The following TOX3 variants were observed in gnomAD, a reference collection of about 807,000 sequenced individuals.
TOX3 encodes the protein CAG trinucleotide repeat-containing gene F9 protein.
In TOX3, 22 loss-of-function variants were observed where a neutral mutation model predicts 64.3. That is an observed-to-expected ratio of 0.34 (90% CI 0.24 to 0.49). The LOEUF is 0.49. Among genes scored for constraint, TOX3 ranks in the 20% least tolerant of loss-of-function variants. TOX3 has a pLI of 0.99. For synonymous variants in TOX3, 291 were observed against 273.6 expected, an observed-to-expected ratio of 1.06 and a Z score of -0.63; for missense variants, 661 against 714.4, an observed-to-expected ratio of 0.93 and a Z score of 0.85.
chr16:52,461,953 A>C (rs1435869496), intron 3 of TOX3, among the ~76,000 whole-genome samples: 1 of 152,122 alleles, frequency 6.6e-6, no homozygotes, highest in African/African-American at 2.4e-5. Flanking sequence ...AAAGCCAACA[A>C]CACATTGTAT....
In TOX3 at chr16:52,437,550, A is replaced by G. The variant is rs1596762535; in HGVS notation, c.*1675T>C. 6.6e-6 allele frequency: 1 copy of G among 152,406 alleles called. No individual in the cohort carries two copies. Among genetic ancestry groups the G allele is most frequent in the Non-Finnish European group, 1.5e-5 (1 of 68,028 alleles). The allele number at this position is 152,406 out of a possible 1,614,324, so 9.4% of individuals were successfully genotyped here. A position where few individuals can be genotyped will look rare whatever the true frequency, so the allele number is the denominator to read the frequency against. ...CCTCTTCATTATAGCTTCTGACAGGACAGATGCTGTAATTAATCATGCAAG... is the reference window on the plus strand; with the variant it reads ...CCTCTTCATTATAGCTTCTGACAGGGCAGATGCTGTAATTAATCATGCAAG... On this transcript the variant is annotated 3_prime_UTR_variant, in exon 7 of 7. Coordinates refer to ENST00000219746, the MANE Select transcript of TOX3 (RefSeq NM_001080430.4).
At position 52,546,770 on chromosome 16, in the gene TOX3, G is replaced by C; in HGVS notation, c.-47C>G. ...GGGGGCCGGGACTGGGGTTCGCCGG[G>C]GCCGGGACCCGCCTCCTCGCCGCCG... On this transcript the variant is annotated 5_prime_UTR_variant, in exon 1 of 7. Coordinates refer to ENST00000219746, the MANE Select transcript of TOX3 (RefSeq NM_001080430.4). The C allele has an allele frequency of 5.5e-6, 8 of 1,447,304 alleles. No individual in the cohort carries two copies. The highest frequency in any genetic ancestry group is 7.3e-6 in the Non-Finnish European group (8 of 1,101,068). 89.7% of individuals were successfully genotyped at this position (1,447,304 alleles called of 1,614,324 possible). A position where few individuals can be genotyped will look rare whatever the true frequency, so the allele number is the denominator to read the frequency against.
intron 3 of TOX3, among the ~76,000 whole-genome samples, chr16:52,453,330 C>T (rs1207652036): frequency 3.9e-5 from 6 of 151,948 alleles, no homozygotes; most frequent in East Asian, 1.9e-4. Flanking sequence ...ATTACAGGCA[C>T]GCACCACCAT....
chr16:52,512,579 A>G (rs545426248), intron 1 of TOX3, among the ~76,000 whole-genome samples: 135 of 152,360 alleles, frequency 8.9e-4, no homozygotes, highest in African/African-American at 2.7e-3. Flanking sequence ...GACTGGGGAC[A>G]GGCAAAGGTG....
intron 1 of TOX3, among the ~76,000 whole-genome samples, chr16:52,540,188 C>T (rs1480239139): frequency 6.6e-6 from 1 of 151,836 alleles, no homozygotes; most frequent in East Asian, 1.9e-4. Context: ...AAGACCAACC[C>T]TGGTGACACA....
At chr16:52,495,189 A>T (rs1191980106) in intron 1 of TOX3, among the ~76,000 whole-genome samples, 1 of 152,184 alleles carries the variant, frequency 6.6e-6, no homozygotes, top group African/African-American at 2.4e-5. Flanking sequence ...TACCTTTAAG[A>T]CATCATAATA....
At chr16:52,533,631 G>T (rs549002348) in intron 1 of TOX3, among the ~76,000 whole-genome samples, 1 of 152,170 alleles carries the variant, frequency 6.6e-6, no homozygotes, top group South Asian at 2.1e-4. Flanking sequence ...AAGCAATCAG[G>T]TTTTCCATTT....
intron 1 of TOX3, among the ~76,000 whole-genome samples, chr16:52,484,592 T>C (rs1158225409): frequency 6.6e-6 from 1 of 152,140 alleles, no homozygotes; most frequent in Non-Finnish European, 1.5e-5. Context: ...AACAAATATA[T>C]TCTGATTAAC....
At chr16:52,533,201 C>T (rs539595474) in intron 1 of TOX3, among the ~76,000 whole-genome samples, 1 of 152,286 alleles carries the variant, frequency 6.6e-6, no homozygotes, top group African/African-American at 2.4e-5. Flanking sequence ...TAGGACCCTA[C>T]AATCACAAGT....
chr16:52,441,655 A>G (rs781761525), intron 6 of TOX3, among the ~76,000 whole-genome samples: 62 of 152,168 alleles, frequency 4.1e-4, no homozygotes, highest in South Asian at 1.7e-3. Context: ...GCCATCCATT[A>G]TCTTCAATAA....
chr16:52,439,072 C>G lies in TOX3; in HGVS notation c.*153G>C. On this transcript the variant is annotated 3_prime_UTR_variant, in exon 7 of 7. Transcript: ENST00000219746. The stretch of plus-strand genomic sequence containing the variant: ...GATGTTACTCAGCTACACTGCAGTT[C>G]TTATTGCCTATCTAATAGACACTTG... 9.3e-7 allele frequency: 1 copy of G among 1,075,746 alleles called. No homozygotes were observed. The highest frequency in any genetic ancestry group is 1.4e-6 in the Non-Finnish European group (1 of 726,378). The allele number at this position is 1,075,746 out of a possible 1,614,324, so 66.6% of individuals were successfully genotyped here.
intron 1 of TOX3, among the ~76,000 whole-genome samples, chr16:52,474,846 A>G (rs552794353): frequency 2.4e-4 from 37 of 152,168 alleles, no homozygotes; most frequent in African/African-American, 7.9e-4. Flanking sequence ...GAGATGCCCA[A>G]TCCTTACAAT....
At chr16:52,529,842 T>A (rs1026190012) in intron 1 of TOX3, among the ~76,000 whole-genome samples, 97 of 152,174 alleles carry the variant, frequency 6.4e-4, no homozygotes, top group Non-Finnish European at 6.3e-4. Context: ...TAGAACTTTT[T>A]AAAAAAAATG....
In TOX3 at chr16:52,445,642, G is replaced by T. The variant is rs531053075; in HGVS notation, c.906+352C>A. The T allele has an allele frequency of 3.6e-5, 7 of 195,438 alleles. 1 individual carries two copies. The South Asian group carries it at 7.9e-4, about 22-fold the overall frequency. The allele number at this position is 195,438 out of a possible 1,614,324, so 12.1% of individuals were successfully genotyped here. A position where few individuals can be genotyped will look rare whatever the true frequency, so the allele number is the denominator to read the frequency against. ...AGATGATCAATGGAAAGGCAAGCAG[G>T]ATGGACCTAATCCCTTTGTAGTGCC... is the stretch of plus-strand genomic sequence containing the variant. On this transcript the variant is annotated intron_variant, in intron 5 of 6. Transcript: ENST00000219746.
chr16:52,521,444 G>T (rs1409118315), intron 1 of TOX3, among the ~76,000 whole-genome samples: 1 of 151,352 alleles, frequency 6.6e-6, no homozygotes, highest in Non-Finnish European at 1.5e-5. Context: ...GTAGTATTCA[G>T]CTGGAAAAAA....
At chr16:52,461,003 C>A (rs73583140) in intron 3 of TOX3, among the ~76,000 whole-genome samples, 3 of 152,134 alleles carry the variant, frequency 2.0e-5, no homozygotes, top group African/African-American at 7.2e-5. Flanking sequence ...GTCACAATAG[C>A]TGTCTAGTAA....
chr16:52,536,627 CTATATATA>C (rs57164139), intron 1 of TOX3, among the ~76,000 whole-genome samples: 1,736 of 34,220 alleles, frequency 0.051, 58 homozygotes, highest in Non-Finnish European at 0.061. Flanking sequence ...TAGATATACA[CTATATATA>C]TATATATATA....
chr16:52,524,955 G>T (rs775118159), intron 1 of TOX3, among the ~76,000 whole-genome samples: 3 of 150,366 alleles, frequency 2.0e-5, no homozygotes, highest in Non-Finnish European at 2.9e-5. Context: ...GAGCTAGAGT[G>T]ATCATTATTA....
At chr16:52,529,539 G>A (rs80173219) in intron 1 of TOX3, among the ~76,000 whole-genome samples, 1 of 152,122 alleles carries the variant, frequency 6.6e-6, no homozygotes, top group Admixed American at 6.5e-5. Flanking sequence ...GTAAGTAACA[G>A]GTGAATCAAA....
Sources: allele counts gnomAD v4.1 joint callset (sites outside exome capture counted in the v4.1 genomes callset), GRCh38; gene constraint gnomAD v4.1.1; transcripts MANE v1.5; gene names NCBI Gene and HGNC (gene_info 2026-07-23, HGNC 2026-07-21).